Variants in TAF1 observed in about 807,000 individuals in gnomAD.
TAF1 encodes the protein transcription initiation factor TFIID subunit 1.
A neutral mutation model predicts 138.5 loss-of-function variants in TAF1; 2 were observed. The ratio of observed to expected loss-of-function variants is 0.01; its 90% CI spans 0.01 to 0.05. TAF1 has a LOEUF of 0.05. Ranked by LOEUF, TAF1 falls within the 10% of genes least tolerant of loss-of-function variation. The probability of loss-of-function intolerance (pLI) is 1.00; values close to 1 mark genes in which losing one functional copy is unlikely to be tolerated. For missense variants in TAF1, 709 were observed against 1,478.0 expected, an observed-to-expected ratio of 0.48 and a Z score of 8.53; for synonymous variants, 437 against 503.2, an observed-to-expected ratio of 0.87 and a Z score of 1.76.
chrX:71,434,638 T>G (rs1409188720), intron 32 of TAF1, among the ~76,000 whole-genome samples: 1 of 112,339 alleles, frequency 8.9e-6, no homozygotes, highest in Admixed American at 9.5e-5. Context: ...ATTAGTCTTG[T>G]CCTTAAGTGA....
rs1042549717 is a variant in TAF1, at chrX:71,465,483, A to AGTTTGTTT, written c.*1452_*1459dup. ...TCTAGAAATGGCAGAGTGTGTTCCT[A>AGTTTGTTT]GTTTGTTTGTTTGTTTGTTTGTACC... is the stretch of plus-strand genomic sequence containing the variant. On this transcript the variant is annotated 3_prime_UTR_variant, in exon 38 of 38. Coordinates refer to ENST00000423759, the MANE Select transcript of TAF1 (RefSeq NM_004606.5). 9.0e-6 allele frequency: 1 copy of AGTTTGTTT among 111,368 alleles called. No individual in the cohort carries two copies. Among genetic ancestry groups the AGTTTGTTT allele is most frequent in the Non-Finnish European group, 1.9e-5 (1 of 53,058 alleles). 9.2% of individuals were successfully genotyped at this position (111,368 alleles called of 1,213,427 possible).
chrX:71,464,574 G>A lies in TAF1; in HGVS notation c.*528G>A, dbSNP rs761625190. The A allele has an allele frequency of 2.3e-5, 5 of 220,233 alleles. No individual in the cohort carries two copies. The highest frequency in any genetic ancestry group is 3.2e-5 in the Non-Finnish European group (4 of 123,311). 18.1% of individuals were successfully genotyped at this position (220,233 alleles called of 1,213,427 possible). A position where few individuals can be genotyped will look rare whatever the true frequency, so the allele number is the denominator to read the frequency against. On this transcript the variant is annotated 3_prime_UTR_variant, in exon 38 of 38. Coordinates refer to ENST00000423759, the MANE Select transcript of TAF1 (RefSeq NM_004606.5). ...ACAAAAATTAGCCAGGTGTGGTGGC[G>A]TATGCCTGTTAATCCTAGCTACTCG...
chrX:71,436,431 G>A (rs1316479187), intron 32 of TAF1, among the ~76,000 whole-genome samples: 1 of 108,837 alleles, frequency 9.2e-6, no homozygotes, highest in African/African-American at 3.4e-5. Flanking sequence ...TAGCCAGGAT[G>A]GTCTCTATCT....
chrX:71,460,527 G>T, intron 36 of TAF1, 99 bp from the exon 37 acceptor site: 1 of 984,362 alleles, frequency 1.0e-6, no homozygotes, highest in Non-Finnish European at 1.4e-6. Context: ...TACCTGTGTA[G>T]ATGTGTGAGA....
At position 71,423,245 on chromosome X, in the gene TAF1, C is replaced by G. The variant is rs1307042524; in HGVS notation, c.4575+6C>G. ...AAATGATGGCAGTTCCAGATGTAAGCTGTCTCTGTGCCAAATACTGTGAGG... is the reference window on the plus strand; with the variant it reads ...AAATGATGGCAGTTCCAGATGTAAGGTGTCTCTGTGCCAAATACTGTGAGG... On this transcript the variant is annotated splice_donor_region_variant and intron_variant, in intron 30 of 37. Coordinates refer to ENST00000423759, the MANE Select transcript of TAF1 (RefSeq NM_004606.5). 1.7e-6 allele frequency: 2 copies of G among 1,211,345 alleles called. No individual in the cohort carries two copies. The highest frequency in any genetic ancestry group is 2.2e-6 in the Non-Finnish European group (2 of 895,285).
At chrX:71,438,291 C>T (rs1226521011) in intron 32 of TAF1, among the ~76,000 whole-genome samples, 2 of 111,556 alleles carry the variant, frequency 1.8e-5, no homozygotes, top group African/African-American at 6.5e-5. Flanking sequence ...TTCCCAGCTC[C>T]TGGTAACCTC....
At chrX:71,384,274 A>G in intron 13 of TAF1, 139 bp downstream of exon 13, 1 of 689,357 alleles carries the variant, frequency 1.5e-6, no homozygotes, top group Non-Finnish European at 2.1e-6. Context: ...TTTTATTATT[A>G]ACGTAGCTGT....
At chrX:71,405,484 G>A (rs1452275302) in intron 25 of TAF1, among the ~76,000 whole-genome samples, 1 of 111,370 alleles carries the variant, frequency 9.0e-6, no homozygotes, top group East Asian at 2.8e-4. Context: ...CCAAGTAGCT[G>A]GTACTACAGG....
intron 13 of TAF1, among the ~76,000 whole-genome samples, chrX:71,484,419 G>A (rs981189058): frequency 8.5e-5 from 9 of 106,416 alleles, no homozygotes; most frequent in Non-Finnish European, 1.5e-4. Context: ...TGCAGCCTCC[G>A]ACTCCCGGGT....
chrX:71,382,454 A>T, intron 9 of TAF1, 82 bp from the exon 10 acceptor site: 1 of 1,144,627 alleles, frequency 8.7e-7, no homozygotes, highest in African/African-American at 1.8e-5. Context: ...CCGTCACCTT[A>T]AAGAAGAAAA....
At chrX:71,422,808 C>T (rs1219474136) in intron 29 of TAF1, among the ~76,000 whole-genome samples, 2 of 111,258 alleles carry the variant, frequency 1.8e-5, no homozygotes, top group East Asian at 2.8e-4. Context: ...GGTGCAATCT[C>T]GGCTTACTGC....
chrX:71,468,838 A>G (rs989958691), downstream of TAF1, among the ~76,000 whole-genome samples: 1 of 108,633 alleles, frequency 9.2e-6, no homozygotes, highest in Non-Finnish European at 1.9e-5. Flanking sequence ...ACGAAAAAAA[A>G]AAGGGAGCAA....
chrX:71,520,411 G>A (rs759964067), intron 13 of TAF1, among the ~76,000 whole-genome samples: 43 of 110,297 alleles, frequency 3.9e-4, no homozygotes, highest in South Asian at 1.6e-3. Context: ...GGCCGGGCAC[G>A]GTGGCTCACG....
chrX:71,463,679 C>G (rs1287087340), intron 37 of TAF1, 145 bp from the exon 38 acceptor site: 2 of 529,118 alleles, frequency 3.8e-6, no homozygotes, highest in Non-Finnish European at 6.2e-6. Context: ...ATTTTTCTCT[C>G]AGGGACATGT....
At chrX:71,483,611 A>G (rs1412973753) in intron 13 of TAF1, among the ~76,000 whole-genome samples, 1 of 107,280 alleles carries the variant, frequency 9.3e-6, no homozygotes, top group Non-Finnish European at 1.9e-5. Flanking sequence ...ACAAATAAAT[A>G]AATACATAAA....
intron 13 of TAF1, among the ~76,000 whole-genome samples, chrX:71,486,233 C>T (rs775634165): frequency 2.2e-4 from 24 of 110,909 alleles, no homozygotes; most frequent in African/African-American, 6.5e-4. Flanking sequence ...TGTAGAGGCG[C>T]GAAATCTATG....
intron 25 of TAF1, among the ~76,000 whole-genome samples, chrX:71,403,648 G>A (rs1046213747): frequency 9.0e-6 from 1 of 110,872 alleles, no homozygotes. Context: ...TTTTAGCATC[G>A]GTTGATGACC....
intron 32 of TAF1, among the ~76,000 whole-genome samples, chrX:71,452,032 C>T (rs2037996077): frequency 9.0e-6 from 1 of 111,031 alleles, no homozygotes; most frequent in South Asian, 3.8e-4. Flanking sequence ...AGAGGGGCTC[C>T]TCACTTCCCA....
intron 8 of TAF1, among the ~76,000 whole-genome samples, chrX:71,379,898 G>T (rs1212037168): frequency 9.0e-6 from 1 of 111,258 alleles, no homozygotes; most frequent in Non-Finnish European, 1.9e-5. Flanking sequence ...CACCACGCCT[G>T]GCCTGAAGTT....
Sources: allele counts gnomAD v4.1 joint callset (sites outside exome capture counted in the v4.1 genomes callset), GRCh38; gene constraint gnomAD v4.1.1; transcripts MANE v1.5; gene names NCBI Gene and HGNC (gene_info 2026-07-23, HGNC 2026-07-21).